Variants in COMMD10 observed in about 807,000 individuals in gnomAD.
COMMD10 encodes the protein COMM domain containing 10, also known as COMM domain-containing protein 10.
Under a neutral mutation model 28.9 loss-of-function variants are expected in COMMD10, and 33 were observed. The ratio of observed to expected loss-of-function variants is 1.14; its 90% CI spans 0.87 to 1.53. COMMD10 has a LOEUF of 1.53. Ranked by LOEUF, COMMD10 falls within the 40% of genes most tolerant of loss-of-function variation. The pLI is 0.00. For missense variants in COMMD10, 310 were observed against 233.4 expected (o/e 1.33, Z -2.14); for synonymous variants, 110 against 81.7 (o/e 1.35, Z -1.87).
Position 116,262,089 on chromosome 5 carries a change from G to C in COMMD10, c.511-29428G>C, listed in dbSNP as rs73261020. Among the ~76,000 whole-genome samples the C allele has an allele frequency of 9.3e-3, 1,414 of 151,638 alleles. 58 individuals are homozygous for C. The highest frequency in any genetic ancestry group is 0.032 in the African/African-American group (1,318 of 41,158). ...TTTGTTTGAGGCCACACTAATAAGT[G>C]GTAGAATCAGGATTCAGACACAGGC... On this transcript the variant is annotated intron_variant, in intron 5 of 6. Transcript: ENST00000274458.
chr5:116,245,061 AATT>A (rs1489023194), intron 5 of COMMD10, among the ~76,000 whole-genome samples: 3 of 151,640 alleles, frequency 2.0e-5, no homozygotes, highest in Non-Finnish European at 4.4e-5. Flanking sequence ...TGAAAAAAAA[AATT>A]AATAAAATAC....
chr5:116,109,905 A>G (rs891381733), intron 4 of COMMD10, among the ~76,000 whole-genome samples: 5 of 152,196 alleles, frequency 3.3e-5, no homozygotes, highest in Non-Finnish European at 7.3e-5. Context: ...TTCCAGTACT[A>G]TGTTAAATAG....
intron 5 of COMMD10, among the ~76,000 whole-genome samples, chr5:116,172,297 A>C (rs997425245): frequency 1.3e-5 from 2 of 152,150 alleles, no homozygotes; most frequent in African/African-American, 4.8e-5. Flanking sequence ...AAAGCTATTT[A>C]CACTGCTTCA....
chr5:116,095,044 A>G (rs1368122692), intron 4 of COMMD10, among the ~76,000 whole-genome samples: 1 of 152,174 alleles, frequency 6.6e-6, no homozygotes, highest in African/African-American at 2.4e-5. Flanking sequence ...CGGAGGGTGG[A>G]TGAGTAGAAG....
intron 5 of COMMD10, among the ~76,000 whole-genome samples, chr5:116,290,925 C>G (rs182511252): frequency 9.2e-5 from 14 of 152,238 alleles, no homozygotes; most frequent in Non-Finnish European, 1.2e-4. Flanking sequence ...CTGTAGCACC[C>G]ATAAAGGATT....
chr5:116,086,615 C>T (rs954352470), intron 1 of COMMD10, among the ~76,000 whole-genome samples: 3 of 152,140 alleles, frequency 2.0e-5, no homozygotes, highest in Non-Finnish European at 2.9e-5. Context: ...CCCGCCACCA[C>T]GCCCAGCTAA....
chr5:116,120,597 C>G (rs1247067416), intron 4 of COMMD10, among the ~76,000 whole-genome samples: 2 of 152,120 alleles, frequency 1.3e-5, no homozygotes, highest in Non-Finnish European at 2.9e-5. Flanking sequence ...AACCTAGCCC[C>G]AAGCAACCCC....
chr5:116,215,273 A>G (rs923257758), intron 5 of COMMD10, among the ~76,000 whole-genome samples: 1 of 152,138 alleles, frequency 6.6e-6, no homozygotes, highest in Admixed American at 6.5e-5. Context: ...TTTTATACAG[A>G]TGTAAGTATA....
intron 5 of COMMD10, among the ~76,000 whole-genome samples, chr5:116,175,273 A>T (rs911436880): frequency 2.6e-5 from 4 of 151,964 alleles, no homozygotes; most frequent in African/African-American, 4.8e-5. Context: ...TTAAAAAAAA[A>T]TTGCTGCAGC....
chr5:116,181,653 G>A lies in COMMD10; in HGVS notation c.510+47475G>A, dbSNP rs149783067. 4.6e-5 allele frequency among the ~76,000 whole-genome samples: 7 copies of A among 151,898 alleles called. No homozygotes were observed. In the East Asian group the frequency reaches 1.2e-3, roughly 25 times the overall value. ...TTTTGAAATGTGCAGGATGCTTCTG[G>A]TCCAAGGACCATACTTTGAGAATCA... On this transcript the variant is annotated intron_variant, in intron 5 of 6. Transcript: ENST00000274458.
intron 4 of COMMD10, among the ~76,000 whole-genome samples, chr5:116,110,490 G>A (rs898120861): frequency 6.6e-6 from 1 of 152,098 alleles, no homozygotes; most frequent in Non-Finnish European, 1.5e-5. Context: ...GAATCCGTCT[G>A]GTCCTGCGTT....
At chr5:116,272,683 T>C (rs528983476) in intron 5 of COMMD10, among the ~76,000 whole-genome samples, 6 of 151,996 alleles carry the variant, frequency 3.9e-5, no homozygotes, top group Middle Eastern at 3.4e-3. Context: ...TCGGAATCTT[T>C]ATCCCACTCA....
At chr5:116,136,709 G>A (rs534581734) in intron 5 of COMMD10, among the ~76,000 whole-genome samples, 6 of 152,108 alleles carry the variant, frequency 3.9e-5, no homozygotes, top group Non-Finnish European at 8.8e-5. Context: ...TTTGAAATAT[G>A]AGCTTGAGTA....
intron 5 of COMMD10, among the ~76,000 whole-genome samples, chr5:116,238,344 C>A (rs1185041741): frequency 6.6e-6 from 1 of 152,114 alleles, no homozygotes; most frequent in Non-Finnish European, 1.5e-5. Context: ...GGTTAAAAGG[C>A]AAGAGTTTTG....
At chr5:116,218,970 A>T (rs916299455) in intron 5 of COMMD10, among the ~76,000 whole-genome samples, 1 of 152,208 alleles carries the variant, frequency 6.6e-6, no homozygotes, top group Non-Finnish European at 1.5e-5. Flanking sequence ...TTAATGATGT[A>T]ATTAAGGTTA....
chr5:116,218,239 G>T, intron 5 of COMMD10: 1 of 751,224 alleles, frequency 1.3e-6, no homozygotes, highest in Admixed American at 1.7e-5. Flanking sequence ...TCTGTGGTTC[G>T]TCCTTTACCT....
chr5:116,085,824 T>G (rs1319774114), intron 1 of COMMD10, among the ~76,000 whole-genome samples: 1 of 152,198 alleles, frequency 6.6e-6, no homozygotes, highest in Non-Finnish European at 1.5e-5. Context: ...TCGGAAGTAA[T>G]TTCTTTGTGC....
At chr5:116,236,504 C>CAAAAA (rs34066036) in intron 5 of COMMD10, among the ~76,000 whole-genome samples, 12 of 79,596 alleles carry the variant, frequency 1.5e-4, no homozygotes, top group Admixed American at 3.0e-4. Flanking sequence ...GACTCCGTCT[C>CAAAAA]AAAAAAAAAA....
intron 4 of COMMD10, among the ~76,000 whole-genome samples, chr5:116,102,805 A>T (rs1205653647): frequency 6.6e-6 from 1 of 152,032 alleles, no homozygotes; most frequent in Non-Finnish European, 1.5e-5. Flanking sequence ...TCCTAATGCT[A>T]TCCCTCCACC....
Sources: gnomAD v4.1 joint callset for allele counts (sites outside exome capture counted in the v4.1 genomes callset) on GRCh38, gnomAD v4.1.1 for gene constraint, MANE v1.5 for transcripts, NCBI Gene and HGNC (gene_info 2026-07-23, HGNC 2026-07-21) for gene names.